The following MCTP1 variants were observed in gnomAD, a reference collection of about 807,000 sequenced individuals.
MCTP1 encodes the protein multiple C2 and transmembrane domain-containing protein 1.
In MCTP1, 69 loss-of-function variants were observed where a neutral mutation model predicts 120.6. The observed-to-expected ratio is 0.57, with a 90% confidence interval of 0.47 to 0.70. The LOEUF (loss-of-function observed/expected upper bound fraction) is 0.70. MCTP1 is among the 30% of genes least tolerant of loss of function. MCTP1 has a pLI of 0.00. For synonymous variants in MCTP1, 529 were observed against 493.1 expected, an observed-to-expected ratio of 1.07 and a Z score of -0.96; for missense variants, 1,203 against 1,248.8, an observed-to-expected ratio of 0.96 and a Z score of 0.55.
intron 1 of MCTP1, among the ~76,000 whole-genome samples, chr5:95,207,214 C>T (rs1011516131): frequency 1.3e-5 from 2 of 152,150 alleles, no homozygotes; most frequent in Non-Finnish European, 2.9e-5. Context: ...ATAGAAGAAT[C>T]TGGCAAGTTC....
chr5:94,930,020 A>G (rs1001047409), intron 6 of MCTP1, among the ~76,000 whole-genome samples: 2 of 152,122 alleles, frequency 1.3e-5, no homozygotes, highest in African/African-American at 4.8e-5. Context: ...GAGTGCTGTT[A>G]GACATAGGAA....
chr5:94,881,789 G>C (rs1800137458), intron 12 of MCTP1, among the ~76,000 whole-genome samples: 1 of 152,140 alleles, frequency 6.6e-6, no homozygotes, highest in Non-Finnish European at 1.5e-5. Flanking sequence ...GTAAATGTTA[G>C]TTGTCATTAT....
At chr5:95,269,806 T>C (rs965620568) in intron 1 of MCTP1, among the ~76,000 whole-genome samples, 2 of 152,238 alleles carry the variant, frequency 1.3e-5, no homozygotes, top group African/African-American at 2.4e-5. Flanking sequence ...AAAAGTTACT[T>C]AGCCTCTCTA....
At chr5:95,282,880 A>G (rs1178229101) in intron 1 of MCTP1, among the ~76,000 whole-genome samples, 3 of 152,210 alleles carry the variant, frequency 2.0e-5, no homozygotes, top group Non-Finnish European at 4.4e-5. Context: ...CTTTTAATCT[A>G]CTAATAACTA....
chr5:94,881,840 G>A (rs1196496536), intron 12 of MCTP1, among the ~76,000 whole-genome samples: 1 of 152,054 alleles, frequency 6.6e-6, no homozygotes, highest in Non-Finnish European at 1.5e-5. Context: ...CTCAATTGAC[G>A]TGATTTTAAA....
At chr5:94,846,055 G>A (rs1383164045) in intron 17 of MCTP1, among the ~76,000 whole-genome samples, 1 of 152,174 alleles carries the variant, frequency 6.6e-6, no homozygotes, top group Non-Finnish European at 1.5e-5. Context: ...GCTGGTGGGA[G>A]TGTAAATTAG....
At chr5:94,929,740 T>G in intron 6 of MCTP1, 3 of 928,496 alleles carry the variant, frequency 3.2e-6, no homozygotes, top group Non-Finnish European at 3.9e-6. Flanking sequence ...AATGTCAAAC[T>G]TTCCCCCGAT....
chr5:95,074,923 C>T (rs1297457235), intron 1 of MCTP1, among the ~76,000 whole-genome samples: 1 of 152,192 alleles, frequency 6.6e-6, no homozygotes, highest in African/African-American at 2.4e-5. Context: ...AAAAAGATTG[C>T]AGAGGTACAT....
chr5:95,236,020 T>C (rs961285079), intron 1 of MCTP1, among the ~76,000 whole-genome samples: 6 of 152,228 alleles, frequency 3.9e-5, no homozygotes, highest in African/African-American at 1.2e-4. Flanking sequence ...AGGATCTGTA[T>C]GTTTAACAAG....
intron 2 of MCTP1, among the ~76,000 whole-genome samples, chr5:94,969,806 C>A (rs912858626): frequency 1.1e-4 from 16 of 151,968 alleles, no homozygotes; most frequent in Non-Finnish European, 5.9e-5. Flanking sequence ...TAGTGACATT[C>A]AAAACATCAG....
rs186021158 is a variant in MCTP1 at position 94,836,759 on chromosome 5, G to A, written c.2436+31574C>T. 1.5e-3 allele frequency among the ~76,000 whole-genome samples: 233 copies of A among 152,196 alleles called. 2 individuals carry two copies. The highest frequency in any genetic ancestry group is 0.011 in the Admixed American group (172 of 15,282). Reference sequence around the variant, plus strand: ...GCAATTTCCTATTTACAACATCTTCGCTTTTCTTAGACAAAAGGGCAAGAT... The same window carrying A: ...GCAATTTCCTATTTACAACATCTTCACTTTTCTTAGACAAAAGGGCAAGAT... On this transcript the variant is annotated intron_variant, in intron 17 of 22. Transcript: ENST00000515393.
chr5:94,869,976 G>A (rs1797525515), intron 16 of MCTP1, among the ~76,000 whole-genome samples: 1 of 152,068 alleles, frequency 6.6e-6, no homozygotes, highest in African/African-American at 2.4e-5. Flanking sequence ...CTGGATTAGA[G>A]GGAAGAGCTT....
intron 1 of MCTP1, among the ~76,000 whole-genome samples, chr5:95,245,622 A>G (rs368936857): frequency 1.0e-3 from 147 of 146,730 alleles, no homozygotes; most frequent in Non-Finnish European, 1.5e-3. Context: ...AGACAAGATT[A>G]GAAAAAAAAA....
chr5:95,148,585 C>T lies in MCTP1; in HGVS notation c.721-131101G>A, dbSNP rs201633334. Reference sequence around the variant, plus strand: ...TTAAAATGGCTATTTCATTTTTCAGCTCTTGGATCATTTTACTGGATTCCT... The same window carrying T: ...TTAAAATGGCTATTTCATTTTTCAGTTCTTGGATCATTTTACTGGATTCCT... On this transcript the variant is annotated intron_variant, in intron 1 of 22. Transcript: ENST00000515393. 7.9e-5 allele frequency among the ~76,000 whole-genome samples: 12 copies of T among 152,272 alleles called. No individual in the cohort carries two copies. In the East Asian group the frequency reaches 1.7e-3, roughly 22 times the overall value.
chr5:95,108,748 C>T (rs911216102), intron 1 of MCTP1, among the ~76,000 whole-genome samples: 6 of 152,154 alleles, frequency 3.9e-5, no homozygotes, highest in African/African-American at 1.4e-4. Flanking sequence ...TAATAAGTTA[C>T]CTCATACCTA....
At chr5:95,235,612 A>T (rs1248193001) in intron 1 of MCTP1, among the ~76,000 whole-genome samples, 1 of 152,204 alleles carries the variant, frequency 6.6e-6, no homozygotes. Context: ...TAAAAGTTAG[A>T]AATTTTTTTT....
Position 94,894,716 on chromosome 5 carries a change from C to G in MCTP1, c.1772G>C (p.Ser591Thr). ...GGAGTTGACAGACAGGTCAGAGATG[C>G]TGACTGTGGCTGATGCTGTCAGAGT... is the stretch of plus-strand genomic sequence containing the variant. ...LVTLTASATVSISDLSVNSLE... is the reference protein window; with the variant it reads ...LVTLTASATVTISDLSVNSLE... The change falls in exon 11 of 23, where the codon AGC becomes ACC. Residue 591 changes from serine to threonine, a missense_variant. Transcript: ENST00000515393. 6.2e-7 allele frequency: 1 copy of G among 1,613,838 alleles called. No homozygotes were observed.
At chr5:94,937,088 C>T (rs1816377797) in intron 5 of MCTP1, among the ~76,000 whole-genome samples, 1 of 152,102 alleles carries the variant, frequency 6.6e-6, no homozygotes, top group African/African-American at 2.4e-5. Flanking sequence ...TCTGAACAGA[C>T]TTGATCACTG....
chr5:94,796,612 A>ATTATATATG, intron 18 of MCTP1, among the ~76,000 whole-genome samples: 2 of 93,394 alleles, frequency 2.1e-5, no homozygotes, highest in African/African-American at 7.2e-5. Flanking sequence ...TATAATATAT[A>ATTATATATG]TAATATATAT....
Sources: gnomAD v4.1 joint callset for allele counts (sites outside exome capture counted in the v4.1 genomes callset) on GRCh38, gnomAD v4.1.1 for gene constraint, MANE v1.5 for transcripts, NCBI Gene and HGNC (gene_info 2026-07-23, HGNC 2026-07-21) for gene names.